The following TMOD3 variants were observed in gnomAD, a reference collection of about 807,000 sequenced individuals.
TMOD3 encodes tropomodulin 3.
A neutral mutation model predicts 39.2 loss-of-function variants in TMOD3; 20 were observed. The ratio of observed to expected loss-of-function variants is 0.51; its 90% CI spans 0.36 to 0.74. TMOD3 has a LOEUF of 0.74. Among genes scored for constraint, TMOD3 ranks in the 30% least tolerant of loss-of-function variants. The pLI, the probability that TMOD3 is intolerant of heterozygous loss-of-function variation, is 0.00. For missense variants in TMOD3, 381 were observed against 412.8 expected (o/e 0.92, Z 0.67); for synonymous variants, 143 against 145.8 (o/e 0.98, Z 0.14).
chr15:51,834,469 A>G (rs1162091415), intron 1 of TMOD3, among the ~76,000 whole-genome samples: 1 of 152,170 alleles, frequency 6.6e-6, no homozygotes, highest in East Asian at 1.9e-4. Context: ...GATATAAGAT[A>G]GGAGTTTGGG....
chr15:51,885,941 G>A (rs2056559678), intron 3 of TMOD3, among the ~76,000 whole-genome samples: 1 of 150,642 alleles, frequency 6.6e-6, no homozygotes, highest in Admixed American at 6.6e-5. Flanking sequence ...CTCCCGGACA[G>A]GGTGGCTGGC....
intron 6 of TMOD3, among the ~76,000 whole-genome samples, chr15:51,895,863 C>T (rs2056618083): frequency 6.6e-6 from 1 of 152,104 alleles, no homozygotes. Context: ...AATCCCAGCA[C>T]TTTGGGAGGC....
intron 3 of TMOD3, among the ~76,000 whole-genome samples, chr15:51,869,831 A>G (rs140799265): frequency 2.0e-4 from 31 of 152,296 alleles, no homozygotes; most frequent in African/African-American, 7.5e-4. Flanking sequence ...CTAATGCTTC[A>G]TAATCAGTAG....
chr15:51,871,707 GA>G (rs1275833281), intron 3 of TMOD3, among the ~76,000 whole-genome samples: 4 of 152,152 alleles, frequency 2.6e-5, no homozygotes, highest in Admixed American at 2.6e-4. Flanking sequence ...ACAAGAGGGG[GA>G]AAAGGATAGA....
At chr15:51,849,440 A>G (rs1432760413) in intron 1 of TMOD3, among the ~76,000 whole-genome samples, 3 of 152,214 alleles carry the variant, frequency 2.0e-5, no homozygotes, top group African/African-American at 4.8e-5. Context: ...TGAAATCACC[A>G]AGGCAGTGAG....
At chr15:51,872,673 C>T (rs2056481668) in intron 3 of TMOD3, among the ~76,000 whole-genome samples, 1 of 145,676 alleles carries the variant, frequency 6.9e-6, no homozygotes, top group African/African-American at 2.5e-5. Flanking sequence ...AATGCAGTGG[C>T]ACTGCAACCT....
At chr15:51,894,813 A>C (rs1566866304) in intron 6 of TMOD3, among the ~76,000 whole-genome samples, 2 of 152,154 alleles carry the variant, frequency 1.3e-5, no homozygotes, top group Admixed American at 6.5e-5. Flanking sequence ...GATGTTTATT[A>C]ATACAGCCAC....
In TMOD3 at chr15:51,901,893, G is replaced by A; in HGVS notation, c.881G>A (p.Arg294Lys). 6.2e-7 allele frequency: 1 copy of A among 1,612,684 alleles called. No homozygotes were observed. The highest frequency in any genetic ancestry group is 1.1e-5 in the South Asian group (1 of 90,850). ...GTTCTTTTTTTCTAATTACTCCAGA[G>A]GCAGCAGTTGGGGACAGCTGTAGAA... ...TLAELKIDNQ[R>K]QQLGTAVELE... Residue 294 changes from arginine to lysine, a missense_variant and splice_region_variant, in exon 9 of 10, where the codon AGG becomes AAG. Coordinates refer to ENST00000308580, the MANE Select transcript of TMOD3 (RefSeq NM_014547.5).
At chr15:51,900,831 T>C (rs1173486133) in intron 8 of TMOD3, among the ~76,000 whole-genome samples, 1 of 152,232 alleles carries the variant, frequency 6.6e-6, no homozygotes, top group Admixed American at 6.5e-5. Context: ...TCATAATCCA[T>C]GTTTTTCATT....
chr15:51,878,966 A>C (rs1487849963), intron 3 of TMOD3, among the ~76,000 whole-genome samples: 1 of 152,234 alleles, frequency 6.6e-6, no homozygotes, highest in Non-Finnish European at 1.5e-5. Flanking sequence ...GGTGGGAGCT[A>C]TGACTAAGAT....
At chr15:51,859,512 C>T (rs1184140315) in intron 1 of TMOD3, 10 of 632,462 alleles carry the variant, frequency 1.6e-5, no homozygotes, top group South Asian at 1.1e-4. Context: ...TTTTTTGTAG[C>T]CACCATGTTG....
At position 51,908,956 on chromosome 15, in the gene TMOD3, A is replaced by G; in HGVS notation, c.*146A>G. On this transcript the variant is annotated 3_prime_UTR_variant, in exon 10 of 10. Transcript: ENST00000308580. ...GCATTTTTTTTTTAGTTGTTATCAA[A>G]TTGTAAAATCAGTAATGTGATATTT... 1 of 469,736 alleles carries G rather than the reference A, an allele frequency of 2.1e-6. No homozygotes were observed. The allele number at this position is 469,736 out of a possible 1,614,324, so 29.1% of individuals were successfully genotyped here. A position where few individuals can be genotyped will look rare whatever the true frequency, so the allele number is the denominator to read the frequency against.
At chr15:51,885,602 TG>T (rs981737772) in intron 3 of TMOD3, among the ~76,000 whole-genome samples, 1 of 152,172 alleles carries the variant, frequency 6.6e-6, no homozygotes, top group African/African-American at 2.4e-5. Flanking sequence ...AACACGGGGT[TG>T]GGGGCAAGGC....
Position 51,910,542 on chromosome 15 carries a change from C to T in TMOD3, c.*1732C>T, listed in dbSNP as rs541772939. The T allele has an allele frequency of 6.6e-6, 1 of 152,388 alleles. No homozygotes were observed. The highest frequency in any genetic ancestry group is 2.4e-5 in the African/African-American group (1 of 41,566). The allele number at this position is 152,388 out of a possible 1,614,324, so 9.4% of individuals were successfully genotyped here. ...AGTGAGCTGAGATCGTACCACTGCA[C>T]TGCAGTCTGGGTGACAAAGCAAGAC... On this transcript the variant is annotated 3_prime_UTR_variant, in exon 10 of 10. Coordinates refer to ENST00000308580, the MANE Select transcript of TMOD3 (RefSeq NM_014547.5).
At chr15:51,902,644 A>ATTTT (rs200954393) in intron 9 of TMOD3, among the ~76,000 whole-genome samples, 5 of 94,986 alleles carry the variant, frequency 5.3e-5, no homozygotes, top group East Asian at 3.8e-4. Flanking sequence ...TAATTTTTGT[A>ATTTT]TTTTTTTTTT....
Position 51,902,121 on chromosome 15 carries a change from C to G in TMOD3, c.1024+85C>G, listed in dbSNP as rs147831526. ...CTTCTTTCCCTCTTAAGAATAAATT[C>G]TAACAGAGAAGTTATTTGGCCTTTG... On this transcript the variant is annotated intron_variant, in intron 9 of 9. Transcript: ENST00000308580. The G allele has an allele frequency of 2.1e-5, 31 of 1,504,476 alleles. No individual in the cohort carries two copies. In the African/African-American group the frequency reaches 3.7e-4, roughly 18 times the overall value. The allele number at this position is 1,504,476 out of a possible 1,614,324, so 93.2% of individuals were successfully genotyped here.
chr15:51,883,706 A>T lies in TMOD3; in HGVS notation c.284-3883A>T, dbSNP rs531814872. 2.6e-5 allele frequency among the ~76,000 whole-genome samples: 4 copies of T among 152,338 alleles called. No individual in the cohort carries two copies. In the East Asian group the frequency reaches 7.7e-4, roughly 29 times the overall value. ...AAAAATTCAGCTGCCCATGCAGCAT[A>T]CAAGATTAACTAAACCAGCATCTCT... is the stretch of plus-strand genomic sequence containing the variant. On this transcript the variant is annotated intron_variant, in intron 3 of 9. Coordinates refer to ENST00000308580, the MANE Select transcript of TMOD3 (RefSeq NM_014547.5).
chr15:51,892,912 T>C (rs1039924816), intron 5 of TMOD3, among the ~76,000 whole-genome samples: 3 of 152,208 alleles, frequency 2.0e-5, no homozygotes, highest in Non-Finnish European at 2.9e-5. Flanking sequence ...AATGAAAATA[T>C]TCATTTTTGA....
At chr15:51,845,508 G>A (rs888996297) in intron 1 of TMOD3, among the ~76,000 whole-genome samples, 2 of 152,138 alleles carry the variant, frequency 1.3e-5, no homozygotes, top group African/African-American at 4.8e-5. Context: ...GTGTAATTCC[G>A]TACTTTGGGA....
Sources: allele counts gnomAD v4.1 joint callset (sites outside exome capture counted in the v4.1 genomes callset), GRCh38; gene constraint gnomAD v4.1.1; transcripts MANE v1.5; gene names NCBI Gene and HGNC (gene_info 2026-07-23, HGNC 2026-07-21).